TBC1D19: variants seen among roughly 807,000 people sequenced by gnomAD.
TBC1D19 encodes the protein TBC1 domain family member 19, also known as TBC1 domain family, member 19.
In TBC1D19, 60 loss-of-function variants were observed where a neutral mutation model predicts 89.0. The ratio of observed to expected loss-of-function variants is 0.67; its 90% CI spans 0.55 to 0.84. The LOEUF (loss-of-function observed/expected upper bound fraction) is 0.84. TBC1D19 is among the 40% of genes least tolerant of loss of function. TBC1D19 has a pLI of 0.00. For synonymous variants in TBC1D19, 189 were observed against 199.7 expected (o/e 0.95, Z 0.45); for missense variants, 500 against 610.8 (o/e 0.82, Z 1.91).
chr4:26,854,774 G>C, the TBC1D19 span, among the ~76,000 whole-genome samples: 1 of 150,356 alleles, frequency 6.7e-6, no homozygotes, highest in Non-Finnish European at 1.5e-5. Flanking sequence ...TTGTTACAGA[G>C]GTGGTAGACG....
chr4:26,706,958 C>G (rs1271379683), intron 13 of TBC1D19, among the ~76,000 whole-genome samples: 1 of 151,888 alleles, frequency 6.6e-6, no homozygotes. Context: ...TATGATCTAT[C>G]TGGAAAATGT....
At chr4:26,616,180 G>T (rs1267551211) in intron 3 of TBC1D19, among the ~76,000 whole-genome samples, 1 of 152,044 alleles carries the variant, frequency 6.6e-6, no homozygotes, top group Non-Finnish European at 1.5e-5. Flanking sequence ...TACCGATAAA[G>T]ACTAGATAGG....
At position 26,676,543 on chromosome 4, in the gene TBC1D19, C is replaced by T. The variant is rs142273110; in HGVS notation, c.816+2655C>T. Among the ~76,000 whole-genome samples, 695 of 152,042 alleles carry T rather than the reference C, an allele frequency of 4.6e-3. 3 individuals are homozygous for T. The highest frequency in any genetic ancestry group is 8.4e-3 in the Non-Finnish European group (574 of 67,994). ...GACCAGCCTGGCCAACGTGGAGAAA[C>T]CCTGACTCTACTAAAAATACAAAAA... On this transcript the variant is annotated intron_variant, in intron 11 of 20. Transcript: ENST00000264866.
At chr4:26,650,120 C>T (rs1744260922) in intron 7 of TBC1D19, among the ~76,000 whole-genome samples, 1 of 152,068 alleles carries the variant, frequency 6.6e-6, no homozygotes, top group Admixed American at 6.6e-5. Context: ...CATTGTTGGA[C>T]ATTTGGGTTG....
intron 4 of TBC1D19, among the ~76,000 whole-genome samples, chr4:26,621,678 AC>A (rs1234089525): frequency 6.6e-6 from 1 of 152,012 alleles, no homozygotes; most frequent in Non-Finnish European, 1.5e-5. Context: ...ATAAATAAAA[AC>A]CTTGGAGATA....
chr4:26,855,982 AC>A, the TBC1D19 span, among the ~76,000 whole-genome samples: 1 of 152,238 alleles, frequency 6.6e-6, no homozygotes, highest in Non-Finnish European at 1.5e-5. Context: ...TTTTGTAGTG[AC>A]AATGTTAAAA....
intron 16 of TBC1D19, among the ~76,000 whole-genome samples, chr4:26,737,199 C>T (rs979722810): frequency 1.3e-5 from 2 of 152,050 alleles, no homozygotes; most frequent in Admixed American, 6.6e-5. Flanking sequence ...TGGTGTTAGT[C>T]ACAGGCTTGA....
chr4:26,691,107 A>G (rs945737486), intron 13 of TBC1D19, among the ~76,000 whole-genome samples: 4 of 152,216 alleles, frequency 2.6e-5, no homozygotes, highest in African/African-American at 9.6e-5. Flanking sequence ...GGAGGAAGTA[A>G]CGGTCACTGT....
At chr4:26,730,082 G>A (rs1717562814) in intron 15 of TBC1D19, among the ~76,000 whole-genome samples, 1 of 152,136 alleles carries the variant, frequency 6.6e-6, no homozygotes, top group South Asian at 2.1e-4. Flanking sequence ...GGCTCTTACA[G>A]AACCATAGGT....
the TBC1D19 span, among the ~76,000 whole-genome samples, chr4:26,839,557 A>G: frequency 6.9e-6 from 1 of 145,508 alleles, no homozygotes; most frequent in East Asian, 2.0e-4. Flanking sequence ...GGTGGGTTCA[A>G]TCTCCTTTTC....
chr4:26,637,261 A>T lies in TBC1D19; in HGVS notation c.345A>T (p.Glu115Asp). 6.2e-7 allele frequency: 1 copy of T among 1,611,154 alleles called. No homozygotes were observed. ...ILKSLNSMCT[E>D]LSIPLARKRP... The stretch of plus-strand genomic sequence containing the variant: ...AGAGTTTAAATAGTATGTGCACTGA[A>T]CTGAGTATCCCACTGGCACGAAAGG... Residue 115 changes from glutamate (E) to aspartate (D), a missense_variant, in exon 5 of 21, where the codon GAA becomes GAT. Coordinates refer to ENST00000264866, the MANE Select transcript of TBC1D19 (RefSeq NM_018317.4).
the TBC1D19 span, among the ~76,000 whole-genome samples, chr4:26,803,146 C>G: frequency 1.3e-5 from 2 of 152,138 alleles, no homozygotes; most frequent in African/African-American, 2.4e-5. Context: ...ACTCACTTCT[C>G]TATGCAGATT....
At chr4:26,617,216 A>G (rs1415093459) in intron 3 of TBC1D19, among the ~76,000 whole-genome samples, 1 of 152,162 alleles carries the variant, frequency 6.6e-6, no homozygotes, top group Non-Finnish European at 1.5e-5. Context: ...GGTTTAACCC[A>G]CCCTTTTATA....
At chr4:26,700,400 T>C (rs1715218987) in intron 13 of TBC1D19, among the ~76,000 whole-genome samples, 1 of 152,196 alleles carries the variant, frequency 6.6e-6, no homozygotes, top group Admixed American at 6.5e-5. Context: ...TTTTTTTCTT[T>C]TATTTAACTC....
intron 15 of TBC1D19, among the ~76,000 whole-genome samples, chr4:26,729,839 CAT>C (rs1717543211): frequency 6.6e-6 from 1 of 152,074 alleles, no homozygotes; most frequent in African/African-American, 2.4e-5. Flanking sequence ...GGGACAATGT[CAT>C]ATTTATTTTA....
intron 8 of TBC1D19, among the ~76,000 whole-genome samples, chr4:26,662,561 C>G (rs1452740507): frequency 6.6e-6 from 1 of 152,042 alleles, no homozygotes; most frequent in African/African-American, 2.4e-5. Flanking sequence ...TGTGGCTGTC[C>G]AGTGAAAAGG....
the TBC1D19 span, among the ~76,000 whole-genome samples, chr4:26,856,176 T>G: frequency 7.5e-6 from 1 of 133,088 alleles, no homozygotes; most frequent in African/African-American, 2.6e-5. Context: ...TTATACTGTT[T>G]CTATGAGATG....
chr4:26,671,271 T>C (rs1712281107), intron 9 of TBC1D19, among the ~76,000 whole-genome samples: 1 of 151,780 alleles, frequency 6.6e-6, no homozygotes, highest in Admixed American at 6.6e-5. Context: ...TTAATTGCAT[T>C]TCCCTGAAGA....
rs142046536 is a variant in TBC1D19, at chr4:26,641,104, G to A, written c.480+917G>A. On this transcript the variant is annotated intron_variant, in intron 7 of 20. Transcript: ENST00000264866. ...GAACAGACAGACTGCCTCCTCAAGT[G>A]GGTCCCTGACCCCCGTGTAGCCTAA... Among the ~76,000 whole-genome samples the A allele has an allele frequency of 5.6e-3, 855 of 152,330 alleles. 10 individuals are homozygous for A. The highest frequency in any genetic ancestry group is 0.019 in the African/African-American group (809 of 41,568).
Sources: allele counts gnomAD v4.1 joint callset (sites outside exome capture counted in the v4.1 genomes callset), GRCh38; gene constraint gnomAD v4.1.1; transcripts MANE v1.5; gene names NCBI Gene and HGNC (gene_info 2026-07-23, HGNC 2026-07-21).